The following LRRTM4 variants were observed in gnomAD, a reference collection of about 807,000 sequenced individuals.
LRRTM4 encodes the protein leucine rich repeat transmembrane neuronal 4.
Under a neutral mutation model 47.6 loss-of-function variants are expected in LRRTM4, and 25 were observed. The ratio of observed to expected loss-of-function variants is 0.53; its 90% CI spans 0.38 to 0.73. The LOEUF (loss-of-function observed/expected upper bound fraction) is 0.73. Among genes scored for constraint, LRRTM4 ranks in the 30% least tolerant of loss-of-function variants. LRRTM4 has a pLI of 0.00. For synonymous variants in LRRTM4, 311 were observed against 269.5 expected, an observed-to-expected ratio of 1.15 and a Z score of -1.51; for missense variants, 638 against 713.4, an observed-to-expected ratio of 0.89 and a Z score of 1.20.
intron 3 of LRRTM4, among the ~76,000 whole-genome samples, chr2:77,491,102 CAG>C (rs959758860): frequency 2.6e-5 from 4 of 151,344 alleles, no homozygotes; most frequent in Non-Finnish European, 5.9e-5. Context: ...GAGAAACAGA[CAG>C]AGAGAGAGAA....
chr2:77,365,752 G>T (rs1310723230), intron 3 of LRRTM4, among the ~76,000 whole-genome samples: 1 of 151,202 alleles, frequency 6.6e-6, no homozygotes, highest in Non-Finnish European at 1.5e-5. Flanking sequence ...TAAACATTGG[G>T]TATGTTAGTG....
intron 3 of LRRTM4, among the ~76,000 whole-genome samples, chr2:76,764,783 A>G (rs566290740): frequency 1.8e-4 from 27 of 152,326 alleles, no homozygotes; most frequent in African/African-American, 6.0e-4. Flanking sequence ...CCAGCTGCCA[A>G]TGTAAGTTTT....
chr2:76,974,211 CACA>C (rs1676333228), intron 3 of LRRTM4, among the ~76,000 whole-genome samples: 1 of 118,234 alleles, frequency 8.5e-6, no homozygotes, highest in African/African-American at 3.8e-5. Flanking sequence ...TATATATATA[CACA>C]TATATATACA....
chr2:76,872,226 C>A (rs967390298), intron 3 of LRRTM4, among the ~76,000 whole-genome samples: 7 of 152,044 alleles, frequency 4.6e-5, no homozygotes, highest in African/African-American at 1.7e-4. Flanking sequence ...TAAAATTTTT[C>A]ACATCTTAAG....
intron 3 of LRRTM4, among the ~76,000 whole-genome samples, chr2:76,859,875 T>G (rs1238788061): frequency 6.6e-6 from 1 of 152,160 alleles, no homozygotes; most frequent in African/African-American, 2.4e-5. Context: ...TGAATATAAA[T>G]AAATATATGG....
chr2:76,751,274 ATG>A (rs1672840525), intron 3 of LRRTM4, among the ~76,000 whole-genome samples: 3 of 152,192 alleles, frequency 2.0e-5, no homozygotes, highest in Admixed American at 6.5e-5. Flanking sequence ...TTAAATCAAT[ATG>A]TAATGCTTTG....
At chr2:77,231,180 G>A (rs1674953268) in intron 3 of LRRTM4, among the ~76,000 whole-genome samples, 1 of 151,636 alleles carries the variant, frequency 6.6e-6, no homozygotes, top group African/African-American at 2.4e-5. Flanking sequence ...CATGGCGTGA[G>A]GATAAACAGG....
chr2:77,016,382 T>TAA (rs1394727016), intron 3 of LRRTM4, among the ~76,000 whole-genome samples: 1 of 108,988 alleles, frequency 9.2e-6, no homozygotes, highest in Admixed American at 8.6e-5. Context: ...AGAACTCCAT[T>TAA]TAAAAAAAAA....
intron 3 of LRRTM4, among the ~76,000 whole-genome samples, chr2:76,752,106 AAAG>A (rs1469115978): frequency 1.3e-5 from 2 of 152,180 alleles, no homozygotes; most frequent in Non-Finnish European, 2.9e-5. Flanking sequence ...TGGTCTTCAC[AAAG>A]AAGAGATACT....
intron 3 of LRRTM4, among the ~76,000 whole-genome samples, chr2:77,497,754 C>T (rs978709303): frequency 1.3e-5 from 2 of 150,828 alleles, no homozygotes; most frequent in African/African-American, 2.4e-5. Context: ...AAAAATCATA[C>T]CACACATTCT....
At chr2:76,974,666 T>A (rs1044842200) in intron 3 of LRRTM4, among the ~76,000 whole-genome samples, 1 of 151,690 alleles carries the variant, frequency 6.6e-6, no homozygotes, top group Non-Finnish European at 1.5e-5. Context: ...TTTCAGTAAG[T>A]TGTGCTAGAA....
chr2:77,097,421 T>C (rs1181786813), intron 3 of LRRTM4, among the ~76,000 whole-genome samples: 1 of 151,996 alleles, frequency 6.6e-6, no homozygotes, highest in African/African-American at 2.4e-5. Context: ...AAAATACACA[T>C]TCTTCTTCCA....
intron 3 of LRRTM4, among the ~76,000 whole-genome samples, chr2:77,148,581 G>C (rs1341922432): frequency 2.0e-5 from 3 of 152,052 alleles, no homozygotes; most frequent in Non-Finnish European, 4.4e-5. Flanking sequence ...CTGTAACAAA[G>C]GAGTTAGGCA....
rs548872733 is a variant in LRRTM4 at position 76,772,656 on chromosome 2, C to T, written c.1552-23740G>A. ...CTTACAATTTGAATTTCTTTCTCCA[C>T]TCCTTTGAGGTACAGTAGTGCCCAC... On this transcript the variant is annotated intron_variant, in intron 3 of 3. Transcript: ENST00000409884. Among the ~76,000 whole-genome samples the T allele has an allele frequency of 6.5e-4, 99 of 152,258 alleles. No individual in the cohort carries two copies. In the South Asian group the frequency reaches 0.02, roughly 31 times the overall value.
chr2:77,242,630 A>C lies in LRRTM4; in HGVS notation c.1551+275688T>G, dbSNP rs1675302075. ...CAATGAGACACTATCTCAGCCCATTATGATGGATACTATCAAAAAAACAAA... is the reference window on the plus strand; with the variant it reads ...CAATGAGACACTATCTCAGCCCATTCTGATGGATACTATCAAAAAAACAAA... On this transcript the variant is annotated intron_variant, in intron 3 of 3. Transcript: ENST00000409884. 5.3e-5 allele frequency among the ~76,000 whole-genome samples: 8 copies of C among 152,264 alleles called. No homozygotes were observed. In the South Asian group the frequency reaches 1.7e-3, roughly 32 times the overall value.
intron 3 of LRRTM4, among the ~76,000 whole-genome samples, chr2:77,323,513 C>T (rs2104232344): frequency 6.6e-6 from 1 of 152,176 alleles, no homozygotes; most frequent in African/African-American, 2.4e-5. Flanking sequence ...ATGTAGCTTT[C>T]CTGCTGCTTG....
chr2:77,279,671 T>A (rs1357228916), intron 3 of LRRTM4, among the ~76,000 whole-genome samples: 1 of 151,954 alleles, frequency 6.6e-6, no homozygotes, highest in African/African-American at 2.4e-5. Flanking sequence ...ATTGCTATTA[T>A]GAAAAATTTT....
intron 3 of LRRTM4, among the ~76,000 whole-genome samples, chr2:77,038,251 C>T (rs1364924421): frequency 2.6e-5 from 4 of 151,478 alleles, no homozygotes; most frequent in Admixed American, 2.0e-4. Flanking sequence ...GGTTTAATCA[C>T]CATATTGCAT....
intron 3 of LRRTM4, among the ~76,000 whole-genome samples, chr2:76,809,904 CT>C (rs57528287): frequency 1.9e-4 from 29 of 152,224 alleles, no homozygotes; most frequent in African/African-American, 7.0e-4. Context: ...TTCATGGTAC[CT>C]TTCCTCACTT....
Sources: gnomAD v4.1 joint callset for allele counts (sites outside exome capture counted in the v4.1 genomes callset) on GRCh38, gnomAD v4.1.1 for gene constraint, MANE v1.5 for transcripts, NCBI Gene and HGNC (gene_info 2026-07-23, HGNC 2026-07-21) for gene names.